The following CALCRL variants were observed in gnomAD, a reference collection of about 807,000 sequenced individuals.
CALCRL encodes the protein calcitonin gene-related peptide type 1 receptor.
CALCRL carries 27 observed loss-of-function variants against 60.4 expected under a neutral mutation model. The ratio of observed to expected loss-of-function variants is 0.45; its 90% CI spans 0.33 to 0.62. CALCRL has a LOEUF of 0.62. CALCRL is among the 20% of genes least tolerant of loss of function. The pLI is 0.03. For synonymous variants in CALCRL, 190 were observed against 182.6 expected (o/e 1.04, Z -0.33); for missense variants, 424 against 540.7 (o/e 0.78, Z 2.14).
At chr2:187,381,927 A>C (rs1283090548) in intron 5 of CALCRL, among the ~76,000 whole-genome samples, 1 of 152,140 alleles carries the variant, frequency 6.6e-6, no homozygotes, top group Non-Finnish European at 1.5e-5. Context: ...AAACCAACAA[A>C]ATTTTAATGT....
At chr2:187,346,868 C>T (rs1415982755) in intron 14 of CALCRL, among the ~76,000 whole-genome samples, 2 of 151,666 alleles carry the variant, frequency 1.3e-5, no homozygotes, top group Non-Finnish European at 2.9e-5. Context: ...AGGGCAGTAG[C>T]AGCAACCTTT....
intron 1 of CALCRL, among the ~76,000 whole-genome samples, chr2:187,389,220 C>T (rs1688332166): frequency 6.6e-6 from 1 of 151,904 alleles, no homozygotes; most frequent in Non-Finnish European, 1.5e-5. Flanking sequence ...TTACAGGCGC[C>T]CACCACTGCG....
chr2:187,363,580 C>T lies in CALCRL; in HGVS notation c.501-78G>A, dbSNP rs879080868. On this transcript the variant is annotated intron_variant, in intron 8 of 14. Coordinates refer to ENST00000392370, the MANE Select transcript of CALCRL (RefSeq NM_005795.6). The stretch of plus-strand genomic sequence containing the variant: ...ATCATTATTCAAATAAGATACATTC[C>T]CAATTCATAGCAGCTGATCCACTTT... The T allele has an allele frequency of 3.7e-6, 5 of 1,344,924 alleles. No individual in the cohort carries two copies. The South Asian group carries it at 6.3e-5, about 17-fold the overall frequency. 83.3% of individuals were successfully genotyped at this position (1,344,924 alleles called of 1,614,324 possible). A position where few individuals can be genotyped will look rare whatever the true frequency, so the allele number is the denominator to read the frequency against.
chr2:187,342,476 G>A lies in CALCRL; in HGVS notation c.*3708C>T, dbSNP rs1327913479. Among the ~76,000 whole-genome samples, 1 of 151,424 alleles carries A rather than the reference G, an allele frequency of 6.6e-6. No homozygotes were observed. The highest frequency in any genetic ancestry group is 1.9e-4 in the East Asian group (1 of 5,188). On this transcript the variant is annotated 3_prime_UTR_variant, in exon 15 of 15. Transcript: ENST00000392370. ...TAGATTTGTAAAACCAACTTGAGGA[G>A]GTCTATATTGTAATTAACACTCTCA...
chr2:187,420,055 CA>C (rs781043186), intron 1 of CALCRL, among the ~76,000 whole-genome samples: 152 of 152,244 alleles, frequency 1.0e-3, no homozygotes, highest in Non-Finnish European at 2.0e-3. Context: ...GAAATTACTC[CA>C]AAACCTAGGA....
chr2:187,415,363 A>G (rs887241320), intron 1 of CALCRL, among the ~76,000 whole-genome samples: 6 of 152,210 alleles, frequency 3.9e-5, no homozygotes. Flanking sequence ...GTCTGTGGGC[A>G]AGCAGATTTG....
chr2:187,403,213 C>T lies in CALCRL; in HGVS notation c.-292-15457G>A, dbSNP rs553048399. On this transcript the variant is annotated intron_variant, in intron 1 of 14. Coordinates refer to ENST00000392370, the MANE Select transcript of CALCRL (RefSeq NM_005795.6). Reference sequence around the variant, plus strand: ...TTAAAAGAGTTATTTTAAAAGGTTTCGTGTATAAGGATGTGAGAGCTTGGC... The same window carrying T: ...TTAAAAGAGTTATTTTAAAAGGTTTTGTGTATAAGGATGTGAGAGCTTGGC... Among the ~76,000 whole-genome samples, 17 of 151,930 alleles carry T rather than the reference C, an allele frequency of 1.1e-4. No individual in the cohort carries two copies. In the East Asian group the frequency reaches 1.4e-3, roughly 12 times the overall value.
intron 9 of CALCRL, among the ~76,000 whole-genome samples, chr2:187,362,230 T>C (rs1169495123): frequency 6.6e-6 from 1 of 152,036 alleles, no homozygotes; most frequent in Non-Finnish European, 1.5e-5. Context: ...CGTACAAATA[T>C]GAGATTTAGA....
At chr2:187,418,148 G>A (rs545960213) in intron 1 of CALCRL, among the ~76,000 whole-genome samples, 2 of 151,936 alleles carry the variant, frequency 1.3e-5, no homozygotes, top group Non-Finnish European at 2.9e-5. Context: ...ACACCCCCAG[G>A]ACTTCTATTC....
rs1686162160 is a variant in CALCRL, at chr2:187,343,437, C to T, written c.*2747G>A. On this transcript the variant is annotated 3_prime_UTR_variant, in exon 15 of 15. Coordinates refer to ENST00000392370, the MANE Select transcript of CALCRL (RefSeq NM_005795.6). ...GTGGTTTCTACTAGCAGATTAAAAC[C>T]AAGAGAAAATTAAAAGTAAGTTCAC... 1 of 151,100 alleles carries T rather than the reference C, an allele frequency of 6.6e-6. No individual in the cohort carries two copies. The highest frequency in any genetic ancestry group is 1.5e-5 in the Non-Finnish European group (1 of 67,330). 9.4% of individuals were successfully genotyped at this position (151,100 alleles called of 1,614,324 possible).
intron 1 of CALCRL, among the ~76,000 whole-genome samples, chr2:187,409,101 T>G (rs1044373352): frequency 2.6e-5 from 4 of 152,180 alleles, no homozygotes; most frequent in African/African-American, 9.6e-5. Flanking sequence ...TGTAAAGAAA[T>G]CTTTTACATG....
chr2:187,435,756 G>T (rs1362157754), intron 1 of CALCRL, among the ~76,000 whole-genome samples: 1 of 151,966 alleles, frequency 6.6e-6, no homozygotes, highest in Non-Finnish European at 1.5e-5. Flanking sequence ...TTTATTATGT[G>T]ATTTAAATGT....
chr2:187,411,602 G>A (rs192596736), intron 1 of CALCRL, among the ~76,000 whole-genome samples: 8 of 152,080 alleles, frequency 5.3e-5, no homozygotes, highest in Admixed American at 2.0e-4. Context: ...ATGTAGAATC[G>A]GTGTCAAAAC....
At chr2:187,397,010 C>G (rs1688684608) in intron 1 of CALCRL, among the ~76,000 whole-genome samples, 1 of 151,616 alleles carries the variant, frequency 6.6e-6, no homozygotes, top group Non-Finnish European at 1.5e-5. Flanking sequence ...CACACACTAG[C>G]AAATTAAACA....
intron 1 of CALCRL, among the ~76,000 whole-genome samples, chr2:187,438,949 A>G (rs1690770694): frequency 1.3e-5 from 2 of 152,206 alleles, no homozygotes; most frequent in South Asian, 4.1e-4. Flanking sequence ...CAGTAATTTT[A>G]CTCTGGCATC....
chr2:187,408,002 T>C (rs904142679), intron 1 of CALCRL, among the ~76,000 whole-genome samples: 1 of 152,058 alleles, frequency 6.6e-6, no homozygotes, highest in African/African-American at 2.4e-5. Context: ...AATCACACCA[T>C]TTATCTTTTG....
intron 1 of CALCRL, among the ~76,000 whole-genome samples, chr2:187,404,861 A>G (rs990265955): frequency 5.3e-5 from 8 of 151,912 alleles, no homozygotes; most frequent in Admixed American, 2.0e-4. Flanking sequence ...GATAACAACA[A>G]TGAAAAATAA....
intron 8 of CALCRL, among the ~76,000 whole-genome samples, chr2:187,365,597 A>C (rs764923017): frequency 3.3e-5 from 5 of 152,236 alleles, no homozygotes; most frequent in Non-Finnish European, 7.3e-5. Context: ...TAGTTTTAAA[A>C]CTATGACGAA....
chr2:187,385,688 T>G, intron 3 of CALCRL, 57 bp from the exon 4 acceptor site: 2 of 850,158 alleles, frequency 2.4e-6, no homozygotes, highest in Non-Finnish European at 3.7e-6. Context: ...TAAATGCAGA[T>G]GATTCTCAAC....
Sources: gnomAD v4.1 joint callset for allele counts (sites outside exome capture counted in the v4.1 genomes callset) on GRCh38, gnomAD v4.1.1 for gene constraint, MANE v1.5 for transcripts, NCBI Gene and HGNC (gene_info 2026-07-23, HGNC 2026-07-21) for gene names.